ZNF536: variants seen among roughly 807,000 people sequenced by gnomAD.
ZNF536 encodes zinc finger protein 536.
ZNF536 carries 13 observed loss-of-function variants against 84.5 expected under a neutral mutation model. The ratio of observed to expected loss-of-function variants is 0.15; its 90% CI spans 0.10 to 0.24. The LOEUF is 0.24. Among genes scored for constraint, ZNF536 ranks in the 10% least tolerant of loss-of-function variants. The pLI, the probability that ZNF536 is intolerant of heterozygous loss-of-function variation, is 1.00. For missense variants in ZNF536, 1,536 were observed against 1,747.5 expected, an observed-to-expected ratio of 0.88 and a Z score of 2.16; for synonymous variants, 811 against 742.5, an observed-to-expected ratio of 1.09 and a Z score of -1.50.
At chr19:30,470,427 T>C (rs908638063) in intron 2 of ZNF536, among the ~76,000 whole-genome samples, 2 of 152,066 alleles carry the variant, frequency 1.3e-5, no homozygotes, top group Non-Finnish European at 2.9e-5. Flanking sequence ...TTACCTAATG[T>C]CCTTTGGTCT....
upstream of ZNF536, among the ~76,000 whole-genome samples, chr19:30,227,721 C>CGA (rs1488196455): frequency 2.0e-5 from 3 of 151,826 alleles, no homozygotes; most frequent in Non-Finnish European, 2.9e-5. Flanking sequence ...TCCGGTTCCT[C>CGA]CTGCGCCTTC....
At chr19:30,594,061 C>T (rs1423785003) in intron 1 of ZNF536, among the ~76,000 whole-genome samples, 1 of 152,210 alleles carries the variant, frequency 6.6e-6, no homozygotes, top group Admixed American at 6.5e-5. Flanking sequence ...CTACCAAGAG[C>T]TGCACTGCAT....
intron 2 of ZNF536, among the ~76,000 whole-genome samples, chr19:30,314,699 C>A (rs561452956): frequency 4.4e-4 from 67 of 152,234 alleles, no homozygotes; most frequent in African/African-American, 1.5e-3. Flanking sequence ...CTCCCTCACT[C>A]CAGGGGCCTG....
intron 2 of ZNF536, among the ~76,000 whole-genome samples, chr19:30,507,970 G>A (rs575078150): frequency 5.3e-4 from 81 of 152,264 alleles, no homozygotes; most frequent in African/African-American, 1.9e-3. Flanking sequence ...ATCTGTGAGG[G>A]CAGGATCCTT....
At chr19:30,259,308 C>G (rs1465569176) in intron 1 of ZNF536, among the ~76,000 whole-genome samples, 3 of 152,122 alleles carry the variant, frequency 2.0e-5, no homozygotes, top group African/African-American at 7.2e-5. Flanking sequence ...TTCACACTAC[C>G]AAAGGGATAC....
intron 1 of ZNF536, among the ~76,000 whole-genome samples, chr19:30,609,086 T>G (rs1221502455): frequency 6.6e-6 from 1 of 152,266 alleles, no homozygotes; most frequent in Non-Finnish European, 1.5e-5. Flanking sequence ...TGATTGCTTC[T>G]AGACTATCAT....
chr19:30,691,346 G>A (rs1160452697), intron 1 of ZNF536, among the ~76,000 whole-genome samples: 2 of 152,028 alleles, frequency 1.3e-5, no homozygotes, highest in Admixed American at 6.6e-5. Context: ...GTCCCCGCTC[G>A]GATCCCAGGC....
intron 1 of ZNF536, among the ~76,000 whole-genome samples, chr19:30,383,937 T>TTCCCTCCCCTC (rs2049182035): frequency 9.5e-5 from 1 of 10,548 alleles, no homozygotes; most frequent in Non-Finnish European, 2.4e-4. Context: ...TCCCTTCCCT[T>TTCCCTCCCCTC]CCCTCCCCTC....
chr19:30,341,688 G>C (rs1483444488), intron 2 of ZNF536, among the ~76,000 whole-genome samples: 2 of 151,980 alleles, frequency 1.3e-5, no homozygotes, highest in Non-Finnish European at 2.9e-5. Flanking sequence ...AATTTATGCA[G>C]AGCTGGGATT....
chr19:30,313,695 G>A (rs1293857035), intron 2 of ZNF536, among the ~76,000 whole-genome samples: 1 of 152,208 alleles, frequency 6.6e-6, no homozygotes, highest in Non-Finnish European at 1.5e-5. Flanking sequence ...CCCCGACTGT[G>A]GTTTCCAGCA....
At chr19:30,462,574 A>G (rs564584523) in intron 2 of ZNF536, among the ~76,000 whole-genome samples, 1 of 151,846 alleles carries the variant, frequency 6.6e-6, no homozygotes, top group Non-Finnish European at 1.5e-5. Flanking sequence ...CACAGGTGAC[A>G]GTGACTTGGG....
intron 1 of ZNF536, among the ~76,000 whole-genome samples, chr19:30,637,837 A>T (rs974716217): frequency 6.6e-6 from 1 of 152,150 alleles, no homozygotes; most frequent in Non-Finnish European, 1.5e-5. Context: ...TCTGAGAAAG[A>T]CTGTGTCTTT....
chr19:30,431,919 T>C (rs1214694475), intron 1 of ZNF536, among the ~76,000 whole-genome samples: 1 of 152,066 alleles, frequency 6.6e-6, no homozygotes, highest in Non-Finnish European at 1.5e-5. Flanking sequence ...GAGTAATCAA[T>C]ACACTCCTGA....
chr19:30,279,567 G>A (rs2045362363), intron 1 of ZNF536, among the ~76,000 whole-genome samples: 1 of 152,156 alleles, frequency 6.6e-6, no homozygotes, highest in Non-Finnish European at 1.5e-5. Flanking sequence ...TTTTTGGTAG[G>A]GTCCTTGTTG....
At chr19:30,542,667 C>G (rs1216994004) in intron 3 of ZNF536, among the ~76,000 whole-genome samples, 2 of 152,150 alleles carry the variant, frequency 1.3e-5, no homozygotes, top group Non-Finnish European at 2.9e-5. Context: ...GCAAAGAGCC[C>G]CATTCTGCAC....
chr19:30,515,344 A>G (rs990831454), intron 2 of ZNF536, among the ~76,000 whole-genome samples: 1 of 152,252 alleles, frequency 6.6e-6, no homozygotes, highest in African/African-American at 2.4e-5. Flanking sequence ...TTGAAAGCAC[A>G]TAGAATGTGC....
chr19:30,469,032 G>A (rs2053527244), intron 2 of ZNF536, among the ~76,000 whole-genome samples: 1 of 152,128 alleles, frequency 6.6e-6, no homozygotes, highest in Non-Finnish European at 1.5e-5. Context: ...CCAGGGCCCT[G>A]GGGGACTGCT....
upstream of ZNF536, among the ~76,000 whole-genome samples, chr19:30,371,965 G>C (rs2048626943): frequency 6.6e-6 from 1 of 152,130 alleles, no homozygotes; most frequent in Non-Finnish European, 1.5e-5. Context: ...TAAGGTAAAA[G>C]AAGGGCAGTT....
At chr19:30,456,196 G>A (rs953486707) in intron 2 of ZNF536, among the ~76,000 whole-genome samples, 23 of 151,776 alleles carry the variant, frequency 1.5e-4, no homozygotes, top group African/African-American at 3.9e-4. Flanking sequence ...CTTTACACAA[G>A]TAATATGCAC....
Sources: gnomAD v4.1 joint callset for allele counts (sites outside exome capture counted in the v4.1 genomes callset) on GRCh38, gnomAD v4.1.1 for gene constraint, MANE v1.5 for transcripts, NCBI Gene and HGNC (gene_info 2026-07-23, HGNC 2026-07-21) for gene names.